MGAT4C: variants seen among roughly 807,000 people sequenced by gnomAD.
MGAT4C encodes the protein MGAT4 family member C, also known as alpha-1,3-mannosyl-glycoprotein 4-beta-N-acetylglucosaminyltransferase C.
Under a neutral mutation model 40.1 loss-of-function variants are expected in MGAT4C, and 19 were observed. The observed-to-expected ratio is 0.47, with a 90% CI of 0.33 to 0.70. The LOEUF is 0.70. Ranked by LOEUF, MGAT4C falls within the 30% of genes least tolerant of loss-of-function variation. MGAT4C has a pLI of 0.02. For missense variants in MGAT4C, 491 were observed against 563.2 expected, an observed-to-expected ratio of 0.87 and a Z score of 1.30; for synonymous variants, 181 against 187.1, an observed-to-expected ratio of 0.97 and a Z score of 0.27.
intron 4 of MGAT4C, among the ~76,000 whole-genome samples, chr12:86,312,667 A>G (rs1231938623): frequency 6.6e-6 from 1 of 152,048 alleles, no homozygotes; most frequent in African/African-American, 2.4e-5. Context: ...AAACCTATAT[A>G]TATATAATGT....
chr12:86,485,730 C>T (rs1225212143), intron 2 of MGAT4C, among the ~76,000 whole-genome samples: 2 of 151,862 alleles, frequency 1.3e-5, no homozygotes, highest in South Asian at 4.2e-4. Context: ...ACAGAGAACC[C>T]CTGTGAGGTA....
At chr12:86,118,802 TTATACTGATAAAATTA>T (rs1283743664) in intron 1 of MGAT4C, among the ~76,000 whole-genome samples, 49 of 152,280 alleles carry the variant, frequency 3.2e-4, no homozygotes, top group Admixed American at 1.3e-3. Flanking sequence ...TGCATTGCTT[TTATACTGATAAAATTA>T]ACAAAACAGT....
At chr12:86,753,801 C>T (rs1340010965) in intron 1 of MGAT4C, among the ~76,000 whole-genome samples, 1 of 151,374 alleles carries the variant, frequency 6.6e-6, no homozygotes, top group Non-Finnish European at 1.5e-5. Flanking sequence ...CAAATTAAAC[C>T]ACAGAGAGAA....
intron 1 of MGAT4C, among the ~76,000 whole-genome samples, chr12:86,141,634 T>C (rs553617970): frequency 3.3e-5 from 5 of 152,260 alleles, no homozygotes; most frequent in African/African-American, 1.2e-4. Context: ...TTTCTTGGAA[T>C]GGCCCCTATT....
At chr12:86,514,088 A>C (rs893739493) in intron 2 of MGAT4C, among the ~76,000 whole-genome samples, 4 of 151,454 alleles carry the variant, frequency 2.6e-5, no homozygotes, top group Non-Finnish European at 4.4e-5. Context: ...ACACACACAC[A>C]CACACACACA....
At chr12:86,710,839 A>T (rs2136630900) in intron 2 of MGAT4C, among the ~76,000 whole-genome samples, 1 of 152,282 alleles carries the variant, frequency 6.6e-6, no homozygotes, top group East Asian at 1.9e-4. Flanking sequence ...ATACACCATG[A>T]AATACTACTT....
intron 1 of MGAT4C, among the ~76,000 whole-genome samples, chr12:86,052,006 G>A (rs1041131448): frequency 6.6e-6 from 1 of 151,380 alleles, no homozygotes; most frequent in African/African-American, 2.4e-5. Flanking sequence ...CTATAAATTG[G>A]CTAATAGAAG....
At chr12:86,833,981 C>T (rs1952983561) in intron 1 of MGAT4C, among the ~76,000 whole-genome samples, 1 of 151,690 alleles carries the variant, frequency 6.6e-6, no homozygotes, top group African/African-American at 2.4e-5. Context: ...CCAGGTTCAC[C>T]CATATTGTCA....
intron 1 of MGAT4C, among the ~76,000 whole-genome samples, chr12:86,078,571 A>C (rs746927688): frequency 2.6e-5 from 4 of 152,230 alleles, no homozygotes; most frequent in Non-Finnish European, 4.4e-5. Context: ...GCCACCAGGT[A>C]GTTGGCTTGT....
chr12:86,053,721 A>T (rs916393505), intron 1 of MGAT4C, among the ~76,000 whole-genome samples: 1 of 152,036 alleles, frequency 6.6e-6, no homozygotes, highest in Non-Finnish European at 1.5e-5. Context: ...GAACTCAAAC[A>T]AACTATTAGC....
intron 2 of MGAT4C, 59 bp from the exon 3 acceptor site, chr12:85,989,611 T>A (rs1885651343): frequency 4.8e-6 from 7 of 1,454,040 alleles, no homozygotes; most frequent in Non-Finnish European, 6.5e-6. Context: ...TATTTCTTTA[T>A]CGCATATATA....
intron 2 of MGAT4C, among the ~76,000 whole-genome samples, chr12:86,637,108 G>T (rs974184657): frequency 6.6e-6 from 1 of 151,772 alleles, no homozygotes; most frequent in Non-Finnish European, 1.5e-5. Flanking sequence ...GATTATAACA[G>T]GACAATTCTG....
At chr12:86,478,064 G>C (rs1001341662) in intron 2 of MGAT4C, among the ~76,000 whole-genome samples, 1 of 152,090 alleles carries the variant, frequency 6.6e-6, no homozygotes. Context: ...GATTTTATAA[G>C]GCACTACAAG....
intron 2 of MGAT4C, among the ~76,000 whole-genome samples, chr12:86,710,303 A>T (rs1449243882): frequency 6.6e-6 from 1 of 152,098 alleles, no homozygotes. Context: ...TTATTGTGCA[A>T]CCTTTCTAGT....
intron 1 of MGAT4C, among the ~76,000 whole-genome samples, chr12:86,793,121 A>C (rs772726385): frequency 1.3e-5 from 2 of 152,136 alleles, no homozygotes; most frequent in Non-Finnish European, 2.9e-5. Flanking sequence ...TTACATTTTT[A>C]ATCATTTATA....
At chr12:86,413,342 A>G (rs1956643560) in intron 3 of MGAT4C, among the ~76,000 whole-genome samples, 1 of 152,198 alleles carries the variant, frequency 6.6e-6, no homozygotes, top group Non-Finnish European at 1.5e-5. Flanking sequence ...AAGCTTGTTC[A>G]GAGGAAAATG....
At chr12:86,037,519 CT>C (rs1396157200) in intron 2 of MGAT4C, among the ~76,000 whole-genome samples, 3 of 150,124 alleles carry the variant, frequency 2.0e-5, no homozygotes, top group Non-Finnish European at 4.5e-5. Flanking sequence ...CAAAGAACAT[CT>C]TTATTTCTGC....
intron 3 of MGAT4C, among the ~76,000 whole-genome samples, chr12:85,987,295 C>G (rs1192696748): frequency 6.6e-6 from 1 of 150,842 alleles, no homozygotes; most frequent in African/African-American, 2.4e-5. Flanking sequence ...CGCCACTACG[C>G]CCGGCTAATT....
At position 86,477,591 on chromosome 12, in the gene MGAT4C, T is replaced by TTA. The variant is rs200109458; in HGVS notation, c.-228-42328_-228-42327dup. 4.7e-3 allele frequency among the ~76,000 whole-genome samples: 713 copies of TTA among 152,018 alleles called. 3 individuals are homozygous for TTA. The highest frequency in any genetic ancestry group is 0.016 in the African/African-American group (665 of 41,470). Reference sequence around the variant, plus strand: ...AGATAAAAAAATGTCCTTTTTCTCTTTATATATATATATTTTTATTATACT... The same window carrying TTA: ...AGATAAAAAAATGTCCTTTTTCTCTTTATATATATATATATTTTTATTATACT... On this transcript the variant is annotated intron_variant, in intron 2 of 7. Transcript: ENST00000548651.
Sources: gnomAD v4.1 joint callset for allele counts (sites outside exome capture counted in the v4.1 genomes callset) on GRCh38, gnomAD v4.1.1 for gene constraint, MANE v1.5 for transcripts, NCBI Gene and HGNC (gene_info 2026-07-23, HGNC 2026-07-21) for gene names.